CIITA: variants seen among roughly 807,000 people sequenced by gnomAD.
CIITA encodes class II major histocompatibility complex transactivator.
CIITA carries 72 observed loss-of-function variants against 115.1 expected under a neutral mutation model. That is an observed-to-expected ratio of 0.63 (90% CI 0.52 to 0.76). The LOEUF is 0.76. Among genes scored for constraint, CIITA ranks in the 30% least tolerant of loss-of-function variants. The pLI, the probability that CIITA is intolerant of heterozygous loss-of-function variation, is 0.00. For missense variants in CIITA, 1,617 were observed against 1,463.8 expected, an observed-to-expected ratio of 1.10 and a Z score of -1.71; for synonymous variants, 763 against 635.6, an observed-to-expected ratio of 1.20 and a Z score of -3.02.
rs1458944642 is a variant in CIITA, at chr16:10,877,408, A to G, written c.52+26A>G. The G allele has an allele frequency of 2.5e-6, 4 of 1,607,434 alleles. No homozygotes were observed. In the African/African-American group the frequency reaches 5.4e-5, roughly 22 times the overall value. On this transcript the variant is annotated intron_variant, in intron 1 of 19. Coordinates refer to ENST00000324288, the MANE Select transcript of CIITA (RefSeq NM_000246.4). ...GTAAAAAGGCCGGGAAAGCATCTTAATTTAGCGTGCAGTCTCAGCTGGTCC... is the reference window on the plus strand; with the variant it reads ...GTAAAAAGGCCGGGAAAGCATCTTAGTTTAGCGTGCAGTCTCAGCTGGTCC...
intron 18 of CIITA, 71 bp downstream of exon 18, chr16:10,922,561 A>G: frequency 6.7e-7 from 1 of 1,493,384 alleles, no homozygotes; most frequent in Non-Finnish European, 9.3e-7. Context: ...GTGACCCCGG[A>G]GCTCAAATCA....
At chr16:10,869,704 A>C (rs1454480900) in intron 1 of CIITA, among the ~76,000 whole-genome samples, 1 of 152,026 alleles carries the variant, frequency 6.6e-6, no homozygotes, top group Admixed American at 6.6e-5. Context: ...TTTTAGAGAC[A>C]GGGTTTCTCC....
At chr16:10,905,771 A>AG (rs1382847416) in intron 10 of CIITA, among the ~76,000 whole-genome samples, 5 of 151,932 alleles carry the variant, frequency 3.3e-5, no homozygotes, top group Admixed American at 2.0e-4. Context: ...AAAAAAAAAA[A>AG]AGAGAGAAAA....
At chr16:10,913,873 G>A (rs964140980) in intron 13 of CIITA, among the ~76,000 whole-genome samples, 6 of 151,814 alleles carry the variant, frequency 4.0e-5, no homozygotes, top group African/African-American at 7.3e-5. Flanking sequence ...ACCGGGAGGC[G>A]GAGGTTGCGG....
At position 10,933,666 on chromosome 16, in the gene CIITA, C is replaced by G. The variant is rs2145373478; in HGVS notation, c.*9811C>G. 1 of 152,402 alleles carries G rather than the reference C, an allele frequency of 6.6e-6. No homozygotes were observed. The highest frequency in any genetic ancestry group is 6.5e-5 in the Admixed American group (1 of 15,302). The allele number at this position is 152,402 out of a possible 1,614,324, so 9.4% of individuals were successfully genotyped here. ...CTTCCCTCCTTAGCCCCACCTGTTC[C>G]CAGGTAGAAACCAATACCGGCAGGG... is the stretch of plus-strand genomic sequence containing the variant. On this transcript the variant is annotated 3_prime_UTR_variant, in exon 20 of 20. Transcript: ENST00000324288.
Position 10,942,193 on chromosome 16 carries a change from C to T in CIITA, n.1319C>T. 1 of 455,304 alleles carries T rather than the reference C, an allele frequency of 2.2e-6. No individual in the cohort carries two copies. Among genetic ancestry groups the T allele is most frequent in the Non-Finnish European group, 3.7e-6 (1 of 272,476 alleles). 28.2% of individuals were successfully genotyped at this position (455,304 alleles called of 1,614,324 possible). On this transcript the variant is annotated non_coding_transcript_exon_variant, in exon 2 of 2. Transcript: ENST00000573379. The surrounding 1 kb of genome is among the most constrained non-coding windows in gnomAD (Gnocchi z 5.0). ...CCGAAATGCGCCGGGCGGGTCACCG[C>T]ACCCCGAGATGTGCCCCCAAGGATC...
chr16:10,915,674 T>C (rs961414639), intron 14 of CIITA, 24 bp downstream of exon 14: 2 of 1,594,824 alleles, frequency 1.3e-6, no homozygotes, highest in African/African-American at 2.7e-5. Context: ...CTGGGACCCC[T>C]TCCTCTCAAC....
upstream of CIITA, among the ~76,000 whole-genome samples, chr16:10,873,288 T>C (rs1596397383): frequency 6.6e-6 from 1 of 152,282 alleles, no homozygotes; most frequent in Non-Finnish European, 1.5e-5. Context: ...AAATGCTCAG[T>C]CTTGTGTAGG....
upstream of CIITA, among the ~76,000 whole-genome samples, chr16:10,873,215 A>C (rs2035604409): frequency 6.6e-6 from 1 of 152,128 alleles, no homozygotes. Flanking sequence ...CTCAAGCGAC[A>C]TACCTGCCTT....
At position 10,931,661 on chromosome 16, in the gene CIITA, T is replaced by C. The variant is rs540326825; in HGVS notation, c.*7806T>C. The C allele has an allele frequency of 2.0e-5, 3 of 152,202 alleles. No homozygotes were observed. In the South Asian group the frequency reaches 6.2e-4, roughly 32 times the overall value. 9.4% of individuals were successfully genotyped at this position (152,202 alleles called of 1,614,324 possible). A position where few individuals can be genotyped will look rare whatever the true frequency, so the allele number is the denominator to read the frequency against. ...GAGTTTGAGACCAGCCTGGCCAACA[T>C]GGCGAAATGAGGTCAAGACTAGCCT... On this transcript the variant is annotated 3_prime_UTR_variant, in exon 20 of 20. Transcript: ENST00000324288.
In CIITA at chr16:10,929,633, C is replaced by T; in HGVS notation, c.*5778C>T. The T allele has an allele frequency of 4.4e-6, 4 of 917,738 alleles. No homozygotes were observed. The highest frequency in any genetic ancestry group is 5.2e-6 in the Non-Finnish European group (4 of 768,138). 56.8% of individuals were successfully genotyped at this position (917,738 alleles called of 1,614,324 possible). A position where few individuals can be genotyped will look rare whatever the true frequency, so the allele number is the denominator to read the frequency against. On this transcript the variant is annotated 3_prime_UTR_variant, in exon 20 of 20. Transcript: ENST00000324288. The surrounding 1 kb of genome is among the most constrained non-coding windows in gnomAD (Gnocchi z 4.3). ...CCACCAGGTTGGCTGGGGACAGGGACCAATCCACCAGGCTCGGGAGGCTTG... is the reference window on the plus strand; with the variant it reads ...CCACCAGGTTGGCTGGGGACAGGGATCAATCCACCAGGCTCGGGAGGCTTG...
chr16:10,905,396 C>T (rs2144663048), intron 10 of CIITA, among the ~76,000 whole-genome samples: 1 of 152,222 alleles, frequency 6.6e-6, no homozygotes, highest in South Asian at 2.1e-4. Flanking sequence ...CTTAACACTC[C>T]CTCCCATGAC....
At chr16:10,940,656 T>C (rs879401339), downstream of CIITA, 1 of 152,372 alleles carries the variant, frequency 6.6e-6, no homozygotes, top group African/African-American at 2.4e-5. This position sits in a 1 kb window ranked among gnomAD's most constrained non-coding sequence, Gnocchi z 4.2. Context: ...TTCTCTCTAA[T>C]TGAGTCTAGC....
chr16:10,874,022 C>T (rs371124534), upstream of CIITA, among the ~76,000 whole-genome samples: 3 of 152,228 alleles, frequency 2.0e-5, no homozygotes, highest in African/African-American at 7.2e-5. Context: ...GCTCTGAAGC[C>T]CAGGCTGGAG....
intron 13 of CIITA, among the ~76,000 whole-genome samples, chr16:10,915,224 G>A (rs576646063): frequency 3.6e-4 from 55 of 151,696 alleles, no homozygotes; most frequent in Non-Finnish European, 7.1e-4. Context: ...TAATTATTGT[G>A]TTTTTTGTAG....
chr16:10,885,967 A>G (rs187264249), intron 1 of CIITA, among the ~76,000 whole-genome samples: 1 of 151,986 alleles, frequency 6.6e-6, no homozygotes, highest in Admixed American at 6.5e-5. Context: ...TCTCTTCATT[A>G]ATGTCCCTAT....
chr16:10,900,884 C>T (rs1203232925), intron 5 of CIITA, among the ~76,000 whole-genome samples: 3 of 152,198 alleles, frequency 2.0e-5, no homozygotes, highest in Non-Finnish European at 2.9e-5. Flanking sequence ...ATCTGTCCAT[C>T]CCTCTATCCA....
At chr16:10,899,070 C>A in intron 5 of CIITA, 68 bp downstream of exon 5, 2 of 1,477,718 alleles carry the variant, frequency 1.4e-6, no homozygotes, top group Non-Finnish European at 1.9e-6. Flanking sequence ...ACTCCAAAGC[C>A]TGCTGTGGGT....
intron 1 of CIITA, among the ~76,000 whole-genome samples, chr16:10,868,061 C>G (rs2035218072): frequency 6.6e-6 from 1 of 152,206 alleles, no homozygotes; most frequent in Admixed American, 6.5e-5. Context: ...CACACCCAAC[C>G]TGGTCATAAC....
Sources: allele counts gnomAD v4.1 joint callset (sites outside exome capture counted in the v4.1 genomes callset), GRCh38; gene constraint gnomAD v4.1.1; non-coding constraint Gnocchi (gnomAD v3.1); transcripts MANE v1.5; gene names NCBI Gene and HGNC (gene_info 2026-07-23, HGNC 2026-07-21).